Variants in GRM1 observed in about 807,000 individuals in gnomAD.
The protein encoded by GRM1 is metabotropic glutamate receptor 1.
In GRM1, 33 loss-of-function variants were observed where a neutral mutation model predicts 90.9. The ratio of observed to expected loss-of-function variants is 0.36; its 90% confidence interval spans 0.28 to 0.49. The LOEUF is 0.49. GRM1 is among the 20% of genes least tolerant of loss of function. GRM1 has a pLI of 0.99. For synonymous variants in GRM1, 700 were observed against 613.2 expected (o/e 1.14, Z -2.09); for missense variants, 1,190 against 1,534.3 (o/e 0.78, Z 3.75).
At chr6:146,377,698 G>A (rs1349273743) in intron 5 of GRM1, among the ~76,000 whole-genome samples, 1 of 152,142 alleles carries the variant, frequency 6.6e-6, no homozygotes, top group East Asian at 1.9e-4. Flanking sequence ...AGACTATGGG[G>A]AAAATGTCAA....
chr6:146,326,617 A>T (rs1197825608), intron 3 of GRM1, among the ~76,000 whole-genome samples: 1 of 152,120 alleles, frequency 6.6e-6, no homozygotes, highest in East Asian at 1.9e-4. Context: ...AAGTGATATG[A>T]ATAAATAATA....
chr6:146,137,864 T>C (rs1776683931), intron 1 of GRM1, among the ~76,000 whole-genome samples: 1 of 152,198 alleles, frequency 6.6e-6, no homozygotes. Flanking sequence ...TGGACAGATT[T>C]TTCACTTCTT....
chr6:146,146,917 A>G (rs951763034), intron 1 of GRM1, among the ~76,000 whole-genome samples: 3 of 152,228 alleles, frequency 2.0e-5, no homozygotes, highest in African/African-American at 7.2e-5. Flanking sequence ...TACAGTCTTC[A>G]TATTTGACCC....
intron 1 of GRM1, among the ~76,000 whole-genome samples, chr6:146,142,832 C>T (rs548691874): frequency 6.6e-6 from 1 of 152,236 alleles, no homozygotes; most frequent in South Asian, 2.1e-4. Flanking sequence ...GAAATTCTAC[C>T]CAAGAACCAA....
chr6:146,068,271 G>C (rs966992154), intron 1 of GRM1, among the ~76,000 whole-genome samples: 14 of 151,736 alleles, frequency 9.2e-5, no homozygotes, highest in Admixed American at 9.2e-4. Context: ...CCGCCACCTC[G>C]CCTGGCTAAT....
chr6:146,407,878 C>A (rs1282325604), intron 7 of GRM1, among the ~76,000 whole-genome samples: 1 of 152,162 alleles, frequency 6.6e-6, no homozygotes, highest in African/African-American at 2.4e-5. Context: ...CACGTGGTTA[C>A]AATCTCATTG....
At chr6:146,225,788 G>C in intron 2 of GRM1, among the ~76,000 whole-genome samples, 1 of 152,100 alleles carries the variant, frequency 6.6e-6, no homozygotes, top group East Asian at 1.9e-4. Flanking sequence ...CAAAATAATA[G>C]AAATTTTATG....
intron 5 of GRM1, among the ~76,000 whole-genome samples, chr6:146,376,736 T>A (rs1383179968): frequency 4.6e-5 from 7 of 152,136 alleles, no homozygotes; most frequent in African/African-American, 1.4e-4. Flanking sequence ...CTATGATTAT[T>A]AAGTGCCTTG....
chr6:146,267,226 T>C (rs886366154), intron 2 of GRM1, among the ~76,000 whole-genome samples: 1 of 152,206 alleles, frequency 6.6e-6, no homozygotes, highest in Non-Finnish European at 1.5e-5. Context: ...TCTCATTCCT[T>C]CTTGTGGCTG....
chr6:146,114,565 A>G (rs935062679), intron 1 of GRM1, among the ~76,000 whole-genome samples: 3 of 152,210 alleles, frequency 2.0e-5, no homozygotes, highest in Non-Finnish European at 4.4e-5. Flanking sequence ...ACTCAGTTGT[A>G]TATTATGAGG....
At chr6:146,347,876 G>A (rs1375399184) in intron 3 of GRM1, among the ~76,000 whole-genome samples, 1 of 152,206 alleles carries the variant, frequency 6.6e-6, no homozygotes, top group Non-Finnish European at 1.5e-5. Flanking sequence ...ACAATGGAGA[G>A]CCTGCGTGCT....
intron 7 of GRM1, among the ~76,000 whole-genome samples, chr6:146,415,994 T>G (rs1777769022): frequency 6.6e-6 from 1 of 152,230 alleles, no homozygotes; most frequent in Non-Finnish European, 1.5e-5. Flanking sequence ...TTGTCTGACA[T>G]TAGTATAACT....
At position 146,399,787 on chromosome 6, in the gene GRM1, CA is replaced by C; in HGVS notation, c.2660+89del. 1.1e-6 allele frequency: 1 copy of C among 882,756 alleles called. No homozygotes were observed. The highest frequency in any genetic ancestry group is 1.8e-6 in the Non-Finnish European group (1 of 552,804). 54.7% of individuals were successfully genotyped at this position (882,756 alleles called of 1,614,324 possible). A position where few individuals can be genotyped will look rare whatever the true frequency, so the allele number is the denominator to read the frequency against. On this transcript the variant is annotated intron_variant, in intron 7 of 7. Transcript: ENST00000282753. This position sits in a 1 kb window ranked among gnomAD's most constrained non-coding sequence, Gnocchi z 5.4. Reference sequence around the variant, plus strand: ...TCTCTCTCTCTCTTTCTCTGTCTCTCATATCTTCCTCTAGTTTTCTGAGTTG... The same window carrying C: ...TCTCTCTCTCTCTTTCTCTGTCTCTCTATCTTCCTCTAGTTTTCTGAGTTG...
intron 5 of GRM1, among the ~76,000 whole-genome samples, chr6:146,378,609 C>T (rs1430461198): frequency 3.3e-5 from 5 of 152,206 alleles, no homozygotes; most frequent in Non-Finnish European, 7.3e-5. Flanking sequence ...CCTGTACCCT[C>T]ATTGTATCTA....
chr6:146,368,778 A>G (rs1490244366), intron 5 of GRM1, among the ~76,000 whole-genome samples: 1 of 151,870 alleles, frequency 6.6e-6, no homozygotes, highest in Non-Finnish European at 1.5e-5. Context: ...TTTTGCATTT[A>G]TGTTTATCAG....
chr6:146,247,235 G>A (rs1183848590), intron 2 of GRM1, among the ~76,000 whole-genome samples: 1 of 152,132 alleles, frequency 6.6e-6, no homozygotes, highest in Non-Finnish European at 1.5e-5. Context: ...AATTCTCTGG[G>A]GAGGGAGGCT....
intron 5 of GRM1, among the ~76,000 whole-genome samples, chr6:146,364,256 C>G (rs928188952): frequency 6.6e-6 from 1 of 152,188 alleles, no homozygotes; most frequent in Admixed American, 6.6e-5. Context: ...TCTTTCTCCT[C>G]CAGTGCATGT....
At chr6:146,277,490 T>A (rs1052705310) in intron 2 of GRM1, among the ~76,000 whole-genome samples, 1 of 152,222 alleles carries the variant, frequency 6.6e-6, no homozygotes, top group Non-Finnish European at 1.5e-5. Context: ...TGAGGTCACC[T>A]GACTGACTCC....
intron 2 of GRM1, among the ~76,000 whole-genome samples, chr6:146,231,196 G>A (rs1780440452): frequency 6.6e-6 from 1 of 152,104 alleles, no homozygotes; most frequent in Admixed American, 6.6e-5. Flanking sequence ...CTCATCAGCT[G>A]TGACACATGT....
Sources: gnomAD v4.1 joint callset for allele counts (sites outside exome capture counted in the v4.1 genomes callset) on GRCh38, gnomAD v4.1.1 for gene constraint, Gnocchi (gnomAD v3.1) non-coding constraint, MANE v1.5 for transcripts, NCBI Gene and HGNC (gene_info 2026-07-23, HGNC 2026-07-21) for gene names.